Variants in NCAM1 observed in about 807,000 individuals in gnomAD.
The protein encoded by NCAM1 is antigen recognized by monoclonal antibody 5.1H11.
Under a neutral mutation model 109.8 loss-of-function variants are expected in NCAM1, and 14 were observed. The ratio of observed to expected loss-of-function variants is 0.13; its 90% confidence interval spans 0.08 to 0.20. The LOEUF (loss-of-function observed/expected upper bound fraction) is 0.20, where lower values mean the gene tolerates loss of function less well. NCAM1 is among the 10% of genes least tolerant of loss of function. The probability of loss-of-function intolerance (pLI) is 1.00; values close to 1 mark genes in which losing one functional copy is unlikely to be tolerated. For missense variants in NCAM1, 774 were observed against 1,109.9 expected, an observed-to-expected ratio of 0.70 and a Z score of 4.30; for synonymous variants, 418 against 442.9, an observed-to-expected ratio of 0.94 and a Z score of 0.70.
At chr11:113,038,949 T>C (rs1952983244) in intron 1 of NCAM1, among the ~76,000 whole-genome samples, 1 of 152,150 alleles carries the variant, frequency 6.6e-6, no homozygotes, top group Non-Finnish European at 1.5e-5. Flanking sequence ...GCGGATATGA[T>C]GAAATGAATA....
At chr11:113,001,864 G>C (rs1555072506) in intron 1 of NCAM1, among the ~76,000 whole-genome samples, 1 of 152,108 alleles carries the variant, frequency 6.6e-6, no homozygotes, top group Non-Finnish European at 1.5e-5. Flanking sequence ...CAGGTGGATA[G>C]ATGATGTCAT....
At chr11:112,998,146 T>A (rs995980835) in intron 1 of NCAM1, among the ~76,000 whole-genome samples, 18 of 152,228 alleles carry the variant, frequency 1.2e-4, no homozygotes, top group African/African-American at 4.1e-4. Context: ...CATATGCACA[T>A]AATTTTTAGT....
Position 113,009,321 on chromosome 11 carries a change from T to TG in NCAM1, c.52+47657_52+47658insG, listed in dbSNP as rs1555073928. 8.9e-5 allele frequency among the ~76,000 whole-genome samples: 12 copies of TG among 135,590 alleles called. 1 individual carries two copies. Among genetic ancestry groups the TG allele is most frequent in the East Asian group, 4.3e-4 (2 of 4,600 alleles). 89.0% of individuals were successfully genotyped at this position (135,590 alleles called of 152,430 possible). A position where few individuals can be genotyped will look rare whatever the true frequency, so the allele number is the denominator to read the frequency against. ...GGAAGGGTTTTTTCGGGTTTTTTTT[T>TG]TTTTTTTTTTTTTTTTTTTTATTGA... is the stretch of plus-strand genomic sequence containing the variant. On this transcript the variant is annotated intron_variant, in intron 1 of 19. Coordinates refer to ENST00000316851, the MANE Select transcript of NCAM1 (RefSeq NM_181351.5).
chr11:113,212,696 A>C (rs1944421950), intron 7 of NCAM1, among the ~76,000 whole-genome samples: 1 of 152,134 alleles, frequency 6.6e-6, no homozygotes, highest in Admixed American at 6.5e-5. Flanking sequence ...TTCAGCTCTT[A>C]CTTTACCTTT....
chr11:113,242,897 AGAGCC>A, intron 14 of NCAM1: 5 of 1,613,184 alleles, frequency 3.1e-6, no homozygotes, highest in Non-Finnish European at 4.2e-6. Context: ...CGCTTGTTGT[AGAGCC>A]GACTTCTAGA....
intron 1 of NCAM1, among the ~76,000 whole-genome samples, chr11:112,994,688 C>G (rs911106478): frequency 6.6e-6 from 1 of 152,078 alleles, no homozygotes; most frequent in Non-Finnish European, 1.5e-5. Context: ...TTAGAGTACC[C>G]GGGAGTTCTG....
chr11:113,017,617 T>C (rs1382721315), intron 1 of NCAM1, among the ~76,000 whole-genome samples: 3 of 100,254 alleles, frequency 3.0e-5, no homozygotes, highest in Non-Finnish European at 6.2e-5. Flanking sequence ...GATAATAAAG[T>C]CAGCCATCAG....
chr11:113,105,553 A>G (rs1940116860), intron 1 of NCAM1, among the ~76,000 whole-genome samples: 1 of 152,218 alleles, frequency 6.6e-6, no homozygotes, highest in Admixed American at 6.5e-5. Flanking sequence ...AAAGATATAT[A>G]TATTCGTACA....
At chr11:113,110,624 C>A (rs1340564183) in intron 1 of NCAM1, among the ~76,000 whole-genome samples, 1 of 152,116 alleles carries the variant, frequency 6.6e-6, no homozygotes, top group African/African-American at 2.4e-5. Context: ...ATAAGGGTGG[C>A]TGGTGTTTAC....
chr11:113,242,348 G>A (rs1156586341), intron 14 of NCAM1, among the ~76,000 whole-genome samples: 1 of 152,150 alleles, frequency 6.6e-6, no homozygotes, highest in African/African-American at 2.4e-5. Context: ...GGCCCAGCAT[G>A]GTGGCTCAGG....
chr11:113,251,397 G>A (rs552493105), intron 15 of NCAM1, among the ~76,000 whole-genome samples: 5 of 152,216 alleles, frequency 3.3e-5, no homozygotes, highest in Admixed American at 6.5e-5. Context: ...ACCTGCAATC[G>A]GCATGGCCAG....
intron 15 of NCAM1, among the ~76,000 whole-genome samples, chr11:113,255,050 GTGTATAC>G (rs1251732964): frequency 6.6e-6 from 1 of 152,192 alleles, no homozygotes; most frequent in Non-Finnish European, 1.5e-5. Context: ...TACAAGCTGA[GTGTATAC>G]TGCAAATCAA....
chr11:113,251,270 G>A (rs1945669519), intron 15 of NCAM1, among the ~76,000 whole-genome samples: 1 of 152,198 alleles, frequency 6.6e-6, no homozygotes, highest in Non-Finnish European at 1.5e-5. Context: ...AATTTTTGTT[G>A]TGGAATTCAG....
chr11:113,233,932 C>A lies in NCAM1; in HGVS notation c.1693+615C>A, dbSNP rs1057071515. On this transcript the variant is annotated intron_variant, in intron 13 of 19. Coordinates refer to ENST00000316851, the MANE Select transcript of NCAM1 (RefSeq NM_181351.5). The surrounding 1 kb of genome is among the most constrained non-coding windows in gnomAD (Gnocchi z 4.5). ...CCCTTTTTGGGTTTAATTGGAATAA[C>A]TCAGTGAAGTATGTTTTGTTTCTGT... Among the ~76,000 whole-genome samples, 27 of 152,156 alleles carry A rather than the reference C, an allele frequency of 1.8e-4. No homozygotes were observed. The highest frequency in any genetic ancestry group is 6.5e-4 in the African/African-American group (27 of 41,428).
chr11:113,143,795 T>G (rs1941917933), intron 1 of NCAM1, among the ~76,000 whole-genome samples: 1 of 152,088 alleles, frequency 6.6e-6, no homozygotes, highest in Non-Finnish European at 1.5e-5. Flanking sequence ...AACCAGAAAC[T>G]GTTCAGAGGA....
At chr11:113,000,602 A>G (rs1951720394) in intron 1 of NCAM1, among the ~76,000 whole-genome samples, 1 of 151,894 alleles carries the variant, frequency 6.6e-6, no homozygotes, top group Non-Finnish European at 1.5e-5. Flanking sequence ...GACTACGTGA[A>G]TTAAAATATA....
chr11:112,975,621 C>T (rs917243187), intron 1 of NCAM1, among the ~76,000 whole-genome samples: 1 of 151,822 alleles, frequency 6.6e-6, no homozygotes, highest in African/African-American at 2.4e-5. Flanking sequence ...TCAAAGAAAA[C>T]CATCTGTCAT....
rs1555117407 is a variant in NCAM1 at position 113,232,273 on chromosome 11, G to A, written c.1344G>A (p.Trp448Ter). The change falls in exon 11 of 20, where the codon TGG (tryptophan) becomes TGA (stop). Residue 448 changes from tryptophan (W) to a stop codon, truncating the protein, a stop_gained. Transcript: ENST00000316851. LOFTEE classifies it high-confidence loss of function. ...VFAYPSATIS[W>*]FRDGQLLPSS... ...CCTATCCCAGTGCCACGATCTCATG[G>A]TTTCGGGATGGCCAGCTGCTGCCAA... 1 of 1,613,822 alleles carries A rather than the reference G, an allele frequency of 6.2e-7. No homozygotes were observed. Among genetic ancestry groups the A allele is most frequent in the African/African-American group, 1.3e-5 (1 of 74,910 alleles).
chr11:113,231,805 A>C lies in NCAM1; in HGVS notation c.1240+10A>C. ...TACCTTGAAGTGCAATGTAAGGAATAAATGGGGAAGGACCTGGGGGAGGGA... is the reference window on the plus strand; with the variant it reads ...TACCTTGAAGTGCAATGTAAGGAATCAATGGGGAAGGACCTGGGGGAGGGA... On this transcript the variant is annotated intron_variant, in intron 10 of 19. Transcript: ENST00000316851. The C allele has an allele frequency of 6.2e-7, 1 of 1,613,936 alleles. No homozygotes were observed. The highest frequency in any genetic ancestry group is 8.5e-7 in the Non-Finnish European group (1 of 1,179,856).
Sources: gnomAD v4.1 joint callset for allele counts (sites outside exome capture counted in the v4.1 genomes callset) on GRCh38, gnomAD v4.1.1 for gene constraint, Gnocchi (gnomAD v3.1) non-coding constraint, MANE v1.5 for transcripts, NCBI Gene and HGNC (gene_info 2026-07-23, HGNC 2026-07-21) for gene names.